CCDC50: variants seen among roughly 807,000 people sequenced by gnomAD.
CCDC50 encodes coiled-coil domain-containing protein 50.
In CCDC50, 54 loss-of-function variants were observed where a neutral mutation model predicts 70.2. That is an observed-to-expected ratio of 0.77 (90% CI 0.62 to 0.96). The LOEUF is 0.96. CCDC50 is among the 50% of genes least tolerant of loss of function. The probability of loss-of-function intolerance (pLI) is 0.00; values close to 1 mark genes in which losing one functional copy is unlikely to be tolerated. For synonymous variants in CCDC50, 216 were observed against 198.8 expected (o/e 1.09, Z -0.73); for missense variants, 558 against 578.7 (o/e 0.96, Z 0.37).
chr3:191,387,727 G>A (rs572524974), intron 10 of CCDC50, among the ~76,000 whole-genome samples: 1 of 150,660 alleles, frequency 6.6e-6, no homozygotes, highest in Admixed American at 6.6e-5. Context: ...GGCATCCTGT[G>A]CTTTGTTTCA....
In CCDC50 at chr3:191,380,328, G is replaced by A; in HGVS notation, c.1092+54G>A. On this transcript the variant is annotated intron_variant, in intron 7 of 11. Transcript: ENST00000392455. Reference sequence around the variant, plus strand: ...ATATATTGATGGGTATTTTTTTTGTGAATCTAGTCCATCTTGAAATTATAT... The same window carrying A: ...ATATATTGATGGGTATTTTTTTTGTAAATCTAGTCCATCTTGAAATTATAT... 17 of 1,120,456 alleles carry A rather than the reference G, an allele frequency of 1.5e-5. No individual in the cohort carries two copies. The South Asian group carries it at 2.2e-4, about 14-fold the overall frequency. 69.4% of individuals were successfully genotyped at this position (1,120,456 alleles called of 1,614,324 possible). A position where few individuals can be genotyped will look rare whatever the true frequency, so the allele number is the denominator to read the frequency against.
chr3:191,367,475 C>G (rs1180796373), intron 4 of CCDC50, among the ~76,000 whole-genome samples: 2 of 152,146 alleles, frequency 1.3e-5, no homozygotes, highest in Non-Finnish European at 2.9e-5. Flanking sequence ...TAAAATGAAT[C>G]TCTTTTCTCC....
At chr3:191,366,900 A>G (rs892457030) in intron 4 of CCDC50, among the ~76,000 whole-genome samples, 4 of 152,080 alleles carry the variant, frequency 2.6e-5, no homozygotes, top group Admixed American at 6.6e-5. Flanking sequence ...GGTTAGCTAC[A>G]TCCAAGTACT....
chr3:191,380,303 AT>A, intron 7 of CCDC50, 29 bp downstream of exon 7: 1 of 1,359,632 alleles, frequency 7.4e-7, no homozygotes, highest in Non-Finnish European at 1.1e-6. Context: ...AAAAGTTTAG[AT>A]ATATTGATGG....
At chr3:191,389,414 T>G in intron 10 of CCDC50, 82 bp from the exon 11 acceptor site, 1 of 1,205,416 alleles carries the variant, frequency 8.3e-7, no homozygotes, top group Non-Finnish European at 1.2e-6. Flanking sequence ...AGAAAATGTT[T>G]TTAGCTTGCA....
intron 11 of CCDC50, among the ~76,000 whole-genome samples, chr3:191,390,595 A>G (rs79096037): frequency 0.059 from 9,019 of 152,206 alleles, 475 homozygotes; most frequent in East Asian, 0.25. Flanking sequence ...TGATGTTCCC[A>G]TGGCATCTGT....
intron 1 of CCDC50, among the ~76,000 whole-genome samples, chr3:191,337,420 T>C (rs756784000): frequency 6.6e-6 from 1 of 151,790 alleles, no homozygotes; most frequent in Non-Finnish European, 1.5e-5. Context: ...TTTAAGACGG[T>C]GTCTAGCTCT....
Position 191,394,045 on chromosome 3 carries a change from T to G in CCDC50, c.*2285T>G, listed in dbSNP as rs1263739413. On this transcript the variant is annotated 3_prime_UTR_variant, in exon 12 of 12. Coordinates refer to ENST00000392455, the MANE Select transcript of CCDC50 (RefSeq NM_178335.3). ...TTATTTATTATTGTAAAATGTTAAC[T>G]GGAGATACTGCATTCAAAAAAAAGT... 4 of 152,132 alleles carry G rather than the reference T, an allele frequency of 2.6e-5. No individual in the cohort carries two copies. The allele number at this position is 152,132 out of a possible 1,614,324, so 9.4% of individuals were successfully genotyped here.
intron 6 of CCDC50, 59 bp from the exon 7 acceptor site, chr3:191,380,095 TCTTAA>T: frequency 9.9e-7 from 1 of 1,012,988 alleles, no homozygotes; most frequent in Non-Finnish European, 1.5e-6. Context: ...ATCTTAAATT[TCTTAA>T]CTTTTCAGAA....
intron 1 of CCDC50, among the ~76,000 whole-genome samples, chr3:191,332,603 G>A (rs564590022): frequency 6.6e-6 from 1 of 152,308 alleles, no homozygotes; most frequent in South Asian, 2.1e-4. Flanking sequence ...AATGCAATTT[G>A]CGAATGTTAG....
intron 10 of CCDC50, among the ~76,000 whole-genome samples, chr3:191,384,989 A>G (rs1010738726): frequency 1.3e-5 from 2 of 152,150 alleles, no homozygotes; most frequent in East Asian, 3.8e-4. Flanking sequence ...GCAGCAAATG[A>G]TATGATTTCA....
rs751226478 is a variant in CCDC50 at position 191,391,809 on chromosome 3, T to C, written c.*49T>C. ...ATGGACTCACTATAGCAAATATTAC[T>C]GGGTGATACAGAATGAATTCTACAC... On this transcript the variant is annotated 3_prime_UTR_variant, in exon 12 of 12. Transcript: ENST00000392455. 1 of 1,522,988 alleles carries C rather than the reference T, an allele frequency of 6.6e-7. No homozygotes were observed. The highest frequency in any genetic ancestry group is 1.1e-5 in the South Asian group (1 of 88,612). 94.3% of individuals were successfully genotyped at this position (1,522,988 alleles called of 1,614,324 possible).
At chr3:191,349,966 A>ATC (rs1712048855) in intron 1 of CCDC50, among the ~76,000 whole-genome samples, 2 of 105,622 alleles carry the variant, frequency 1.9e-5, no homozygotes, top group Non-Finnish European at 4.3e-5. Context: ...ATTTAATAAT[A>ATC]CCCCCCCCCT....
chr3:191,369,641 G>C (rs1165766773), intron 4 of CCDC50, among the ~76,000 whole-genome samples: 3 of 152,156 alleles, frequency 2.0e-5, no homozygotes, highest in Non-Finnish European at 1.5e-5. Flanking sequence ...TTAAAATTCT[G>C]TTGTGTAACC....
At chr3:191,380,550 G>A in intron 7 of CCDC50, 137 bp from the exon 8 acceptor site, 1 of 850,220 alleles carries the variant, frequency 1.2e-6, no homozygotes, top group Non-Finnish European at 2.0e-6. Flanking sequence ...GCTGGTGAAA[G>A]CATACCAACT....
chr3:191,346,412 C>A (rs957042254), intron 1 of CCDC50, among the ~76,000 whole-genome samples: 6 of 152,100 alleles, frequency 3.9e-5, no homozygotes, highest in African/African-American at 1.4e-4. Flanking sequence ...CTTTCTGGTA[C>A]CTTCTAAATT....
chr3:191,377,800 A>T (rs990064739), intron 6 of CCDC50, among the ~76,000 whole-genome samples: 1 of 152,144 alleles, frequency 6.6e-6, no homozygotes, highest in African/African-American at 2.4e-5. Flanking sequence ...TGTGTTCTCC[A>T]TCTGAAGGAT....
rs1354272809 is a variant in CCDC50 at position 191,359,812 on chromosome 3, G to C, written c.240-1257G>C. Among the ~76,000 whole-genome samples, 3 of 152,112 alleles carry C rather than the reference G, an allele frequency of 2.0e-5. No homozygotes were observed. The East Asian group carries it at 5.8e-4, about 29-fold the overall frequency. Reference sequence around the variant, plus strand: ...CCCTTTACATTATTCACAATTCTCTGTTAGAAAGGCCAGTTCTGAGGTTGA... The same window carrying C: ...CCCTTTACATTATTCACAATTCTCTCTTAGAAAGGCCAGTTCTGAGGTTGA... On this transcript the variant is annotated intron_variant, in intron 3 of 11. Transcript: ENST00000392455.
intron 5 of CCDC50, among the ~76,000 whole-genome samples, chr3:191,373,252 A>G (rs1288804793): frequency 2.0e-5 from 3 of 152,100 alleles, no homozygotes; most frequent in Non-Finnish European, 4.4e-5. Context: ...GATTCCTCAC[A>G]TTATCTTTTT....
Sources: allele counts gnomAD v4.1 joint callset (sites outside exome capture counted in the v4.1 genomes callset), GRCh38; gene constraint gnomAD v4.1.1; transcripts MANE v1.5; gene names NCBI Gene and HGNC (gene_info 2026-07-23, HGNC 2026-07-21).